The following LIMA1 variants were observed in gnomAD, a reference collection of about 807,000 sequenced individuals.
The protein encoded by LIMA1 is LIM domain and actin binding 1, also known as LIM domain and actin-binding protein 1.
In LIMA1, 52 loss-of-function variants were observed where a neutral mutation model predicts 62.6. The observed-to-expected ratio is 0.83, with a 90% confidence interval of 0.67 to 1.05. LIMA1 has a LOEUF of 1.05. LIMA1 is among the 50% of genes least tolerant of loss of function. The pLI is 0.00. For synonymous variants in LIMA1, 302 were observed against 317.8 expected, an observed-to-expected ratio of 0.95 and a Z score of 0.53; for missense variants, 780 against 902.2, an observed-to-expected ratio of 0.86 and a Z score of 1.74.
intron 3 of LIMA1, among the ~76,000 whole-genome samples, chr12:50,223,143 C>CT (rs199546604): frequency 4.5e-4 from 68 of 149,636 alleles, no homozygotes; most frequent in Non-Finnish European, 6.4e-4. Flanking sequence ...AGAATTTAAT[C>CT]TTTTTTTTTT....
chr12:50,187,182 A>G (rs1171001325), intron 9 of LIMA1: 1 of 152,154 alleles, frequency 6.6e-6, no homozygotes, highest in Non-Finnish European at 1.5e-5. Context: ...GCATGGCTTC[A>G]TTTACATTCT....
intron 1 of LIMA1, among the ~76,000 whole-genome samples, chr12:50,263,020 A>G (rs1009629574): frequency 9.8e-5 from 15 of 152,334 alleles, no homozygotes; most frequent in Middle Eastern, 3.4e-3. Flanking sequence ...GATTAATTCA[A>G]TCTGCCTAAT....
rs535387998 is a variant in LIMA1, at chr12:50,238,937, A to G, written c.120-7227T>C. ...CCATGGAGTGGGAGAAAATATTTGCAACTCATATTTGAGTTTTAAGTAACA... is the reference window on the plus strand; with the variant it reads ...CCATGGAGTGGGAGAAAATATTTGCGACTCATATTTGAGTTTTAAGTAACA... On this transcript the variant is annotated intron_variant, in intron 2 of 10. Transcript: ENST00000341247. 3.3e-5 allele frequency among the ~76,000 whole-genome samples: 5 copies of G among 152,306 alleles called. No homozygotes were observed. In the South Asian group the frequency reaches 1.0e-3, roughly 32 times the overall value.
At chr12:50,248,858 T>C (rs1224467779) in intron 1 of LIMA1, 84 bp from the exon 2 acceptor site, 1 of 730,738 alleles carries the variant, frequency 1.4e-6, no homozygotes. Context: ...GGTAGAGCCC[T>C]AAACTTGCAG....
At chr12:50,217,210 T>C (rs1390318174) in intron 4 of LIMA1, among the ~76,000 whole-genome samples, 1 of 151,908 alleles carries the variant, frequency 6.6e-6, no homozygotes, top group Admixed American at 6.6e-5. Context: ...CACAAGTTCA[T>C]ATACAGTCAA....
At chr12:50,225,632 A>C (rs1454575181) in intron 3 of LIMA1, among the ~76,000 whole-genome samples, 1 of 152,132 alleles carries the variant, frequency 6.6e-6, no homozygotes, top group Non-Finnish European at 1.5e-5. Flanking sequence ...GGTTCACTGC[A>C]ACCTCTGCCT....
Position 50,181,112 on chromosome 12 carries a change from CAAAAAAAAAAAA to C in LIMA1, c.1274+780_1274+791del, listed in dbSNP as rs35433011. ...GGGCAACAGAGTGAGACTCTGTATC[CAAAAAAAAAAAA>C]AAAAAAAAAGGTGCTTTGGAGAAAA... On this transcript the variant is annotated intron_variant, in intron 10 of 10. Transcript: ENST00000341247. Among the ~76,000 whole-genome samples the C allele has an allele frequency of 6.5e-3, 461 of 71,110 alleles. 4 individuals carry two copies. Among genetic ancestry groups the C allele is most frequent in the Non-Finnish European group, 8.4e-3 (313 of 37,452 alleles). 46.7% of individuals were successfully genotyped at this position (71,110 alleles called of 152,430 possible).
intron 4 of LIMA1, chr12:50,219,467 A>G (rs1245410527): frequency 6.6e-6 from 1 of 152,204 alleles, no homozygotes; most frequent in Admixed American, 6.6e-5. Flanking sequence ...CCTGAGTAAC[A>G]GTGAGAGATT....
chr12:50,214,975 T>C (rs1176307896), intron 4 of LIMA1, among the ~76,000 whole-genome samples: 1 of 152,228 alleles, frequency 6.6e-6, no homozygotes, highest in African/African-American at 2.4e-5. Context: ...TAAGATGTTA[T>C]GAATAATTTC....
chr12:50,192,059 T>TG (rs1317111639), intron 9 of LIMA1, among the ~76,000 whole-genome samples: 34 of 142,076 alleles, frequency 2.4e-4, no homozygotes, highest in African/African-American at 7.7e-4. Flanking sequence ...TGCTTGAACA[T>TG]GGGGGGGCGG....
chr12:50,227,691 C>T (rs1941552099), intron 3 of LIMA1, among the ~76,000 whole-genome samples: 1 of 152,100 alleles, frequency 6.6e-6, no homozygotes, highest in Admixed American at 6.6e-5. Context: ...AAAGATTCTG[C>T]CACTCCCTGT....
At chr12:50,251,361 C>T (rs1345060477) in intron 1 of LIMA1, among the ~76,000 whole-genome samples, 4 of 152,220 alleles carry the variant, frequency 2.6e-5, no homozygotes, top group African/African-American at 4.8e-5. Context: ...TGGCTCACAC[C>T]TGCAATCCCA....
intron 3 of LIMA1, among the ~76,000 whole-genome samples, chr12:50,225,730 T>C (rs999147436): frequency 6.6e-6 from 1 of 152,170 alleles, no homozygotes; most frequent in Non-Finnish European, 1.5e-5. Context: ...TTTAGTGTTA[T>C]TAGTAGAGAC....
At chr12:50,246,948 C>T (rs1199287532) in intron 2 of LIMA1, among the ~76,000 whole-genome samples, 1 of 152,150 alleles carries the variant, frequency 6.6e-6, no homozygotes, top group Non-Finnish European at 1.5e-5. Context: ...TCTATCCACA[C>T]ATACTGAATC....
chr12:50,260,932 A>C (rs866249252), intron 1 of LIMA1, among the ~76,000 whole-genome samples: 602 of 55,978 alleles, frequency 0.011, 5 homozygotes, highest in African/African-American at 0.034. Flanking sequence ...ACTTGCCCCA[A>C]AAAAAAAAAA....
At chr12:50,215,716 G>A (rs1228817624) in intron 4 of LIMA1, among the ~76,000 whole-genome samples, 2 of 151,770 alleles carry the variant, frequency 1.3e-5, no homozygotes, top group African/African-American at 4.8e-5. Flanking sequence ...CTCGTGATCC[G>A]CCTGCCTCGG....
intron 3 of LIMA1, 94 bp from the exon 4 acceptor site, chr12:50,222,579 T>A: frequency 6.4e-7 from 1 of 1,571,674 alleles, no homozygotes; most frequent in Non-Finnish European, 8.6e-7. Flanking sequence ...AACTCCAAGC[T>A]GCTCCTGGTC....
chr12:50,234,210 C>A, intron 2 of LIMA1: 1 of 415,854 alleles, frequency 2.4e-6, no homozygotes, highest in Non-Finnish European at 4.8e-6. Flanking sequence ...CCCAGAACAA[C>A]CTTTTTTTTT....
intron 4 of LIMA1, among the ~76,000 whole-genome samples, chr12:50,217,276 C>T (rs1400479194): frequency 6.6e-6 from 1 of 151,982 alleles, no homozygotes. Flanking sequence ...TCAGAAAAAT[C>T]AAAGCTAGAA....
Sources: allele counts gnomAD v4.1 joint callset (sites outside exome capture counted in the v4.1 genomes callset), GRCh38; gene constraint gnomAD v4.1.1; transcripts MANE v1.5; gene names NCBI Gene and HGNC (gene_info 2026-07-23, HGNC 2026-07-21).